The following SCN3A variants were observed in gnomAD, a reference collection of about 807,000 sequenced individuals.
SCN3A encodes sodium channel protein type 3 subunit alpha.
In SCN3A, 60 loss-of-function variants were observed where a neutral mutation model predicts 187.6. The observed-to-expected ratio is 0.32, with a 90% CI of 0.26 to 0.40. The LOEUF (loss-of-function observed/expected upper bound fraction) is 0.40, where lower values mean the gene tolerates loss of function less well. SCN3A is among the 10% of genes least tolerant of loss of function. The pLI, the probability that SCN3A is intolerant of heterozygous loss-of-function variation, is 1.00. For synonymous variants in SCN3A, 788 were observed against 829.2 expected, an observed-to-expected ratio of 0.95 and a Z score of 0.85; for missense variants, 1,601 against 2,428.2, an observed-to-expected ratio of 0.66 and a Z score of 7.16.
chr2:165,139,392 A>C, intron 14 of SCN3A, 84 bp downstream of exon 14: 1 of 1,584,172 alleles, frequency 6.3e-7, no homozygotes, highest in South Asian at 1.1e-5. Context: ...TGGGTAACAG[A>C]CTTCAGTAAT....
Position 165,090,955 on chromosome 2 carries a change from G to A in SCN3A, c.5198C>T (p.Pro1733Leu). The A allele has an allele frequency of 6.2e-7, 1 of 1,614,114 alleles. No individual in the cohort carries two copies. The highest frequency in any genetic ancestry group is 8.5e-7 in the Non-Finnish European group (1 of 1,180,006). The change falls in exon 28 of 28, where the codon CCT becomes CTT. Residue 1733 changes from proline to leucine, a missense_variant. Pro to Leu is a moderately conservative substitution (Grantham distance 98, BLOSUM62 -3). Transcript: ENST00000283254. The surrounding 1 kb of genome is among the most constrained non-coding windows in gnomAD (Gnocchi z 4.0). ...ACAGTCTCCCTTAACTGAGCTGCCA[G>A]GGTGAATTGTGTCAGGGTCACAGTC... ...PPDCDPDTIH[P>L]GSSVKGDCGN...
At chr2:165,101,681 C>A (rs1167571987) in intron 21 of SCN3A, among the ~76,000 whole-genome samples, 1 of 152,082 alleles carries the variant, frequency 6.6e-6, no homozygotes, top group Non-Finnish European at 1.5e-5. Context: ...TCATTATATC[C>A]ACAATGGCTT....
intron 17 of SCN3A, among the ~76,000 whole-genome samples, chr2:165,129,704 T>G (rs1687199051): frequency 6.6e-6 from 1 of 152,188 alleles, no homozygotes; most frequent in Non-Finnish European, 1.5e-5. Context: ...TAAATACATC[T>G]GATTTAATCT....
intron 1 of SCN3A, among the ~76,000 whole-genome samples, chr2:165,199,991 A>AT (rs1692213525): frequency 6.6e-6 from 1 of 152,068 alleles, no homozygotes; most frequent in Admixed American, 6.6e-5. Context: ...CAAGAATATG[A>AT]TTTTCTTTCT....
At chr2:165,122,214 TC>T (rs1225729568) in intron 18 of SCN3A, among the ~76,000 whole-genome samples, 2 of 148,200 alleles carry the variant, frequency 1.3e-5, no homozygotes, top group Non-Finnish European at 3.0e-5. Flanking sequence ...CTTTTTTTTT[TC>T]TTTTTTCTTT....
intron 20 of SCN3A, 91 bp downstream of exon 20, chr2:165,113,725 T>G: frequency 7.1e-7 from 1 of 1,400,620 alleles, no homozygotes; most frequent in Non-Finnish European, 1.0e-6. Flanking sequence ...CCTTTTCTTT[T>G]GATTCTGAAG....
Position 165,089,507 on chromosome 2 carries a change from C to G in SCN3A, c.*643G>C, listed in dbSNP as rs1263774628. 1 of 152,642 alleles carries G rather than the reference C, an allele frequency of 6.6e-6. No homozygotes were observed. The highest frequency in any genetic ancestry group is 1.5e-5 in the Non-Finnish European group (1 of 68,102). 9.5% of individuals were successfully genotyped at this position (152,642 alleles called of 1,614,324 possible). ...AATATTAGAGGAGACTTTACAGGCACATAACTGTTCAGATAGAAACAAACA... is the reference window on the plus strand; with the variant it reads ...AATATTAGAGGAGACTTTACAGGCAGATAACTGTTCAGATAGAAACAAACA... On this transcript the variant is annotated 3_prime_UTR_variant, in exon 28 of 28. Coordinates refer to ENST00000283254, the MANE Select transcript of SCN3A (RefSeq NM_006922.4).
intron 5 of SCN3A, among the ~76,000 whole-genome samples, chr2:165,166,299 G>A (rs898045997): frequency 6.6e-6 from 1 of 152,096 alleles, no homozygotes; most frequent in Non-Finnish European, 1.5e-5. Flanking sequence ...ACACAGAATA[G>A]GTATTCAAAA....
intron 14 of SCN3A, among the ~76,000 whole-genome samples, chr2:165,138,824 TA>T (rs1687821316): frequency 6.6e-6 from 1 of 152,184 alleles, no homozygotes; most frequent in African/African-American, 2.4e-5. Flanking sequence ...AATTGACATA[TA>T]ATTGATCTAA....
rs1158363313 is a variant in SCN3A at position 165,088,661 on chromosome 2, T to A, written c.*1489A>T. On this transcript the variant is annotated 3_prime_UTR_variant, in exon 28 of 28. Coordinates refer to ENST00000283254, the MANE Select transcript of SCN3A (RefSeq NM_006922.4). ...TGGATTCAAAAGTTTGGAATTGTGA[T>A]TAAAAATCAAAAGCAAAAGCATAAA... 2 of 152,560 alleles carry A rather than the reference T, an allele frequency of 1.3e-5. No homozygotes were observed. Among genetic ancestry groups the A allele is most frequent in the Non-Finnish European group, 2.9e-5 (2 of 67,970 alleles). The allele number at this position is 152,560 out of a possible 1,614,324, so 9.5% of individuals were successfully genotyped here. A position where few individuals can be genotyped will look rare whatever the true frequency, so the allele number is the denominator to read the frequency against.
chr2:165,161,685 A>G (rs1689406499), intron 9 of SCN3A, among the ~76,000 whole-genome samples: 2 of 152,186 alleles, frequency 1.3e-5, no homozygotes, highest in African/African-American at 4.8e-5. Context: ...TCTTAGGAAA[A>G]TATTTAAGGG....
Position 165,146,923 on chromosome 2 carries a change from G to C in SCN3A, c.1487C>G (p.Ala496Gly), listed in dbSNP as rs2105834265. 2 of 1,613,948 alleles carry C rather than the reference G, an allele frequency of 1.2e-6. No individual in the cohort carries two copies. Among genetic ancestry groups the C allele is most frequent in the Non-Finnish European group, 1.7e-6 (2 of 1,179,940 alleles). The change falls in exon 12 of 28, where the codon GCT becomes GGT. Residue 496 changes from alanine (A) to glycine (G), a missense_variant. This residue lies in a region of SCN3A where 376 missense variants were observed against 476.0 expected (regional missense o/e 0.79). Coordinates refer to ENST00000283254, the MANE Select transcript of SCN3A (RefSeq NM_006922.4). ...SEASKLSSKS[A>G]KEWRNRRKKR... Reference sequence around the variant, plus strand: ...CTTCCTTCGGTTCCTCCATTCTTTAGCACTTTTGGAACTCAACTTTGATGC... The same window carrying C: ...CTTCCTTCGGTTCCTCCATTCTTTACCACTTTTGGAACTCAACTTTGATGC...
chr2:165,146,974 C>T lies in SCN3A; in HGVS notation c.1436G>A (p.Gly479Glu). The T allele has an allele frequency of 6.2e-7, 1 of 1,614,078 alleles. No individual in the cohort carries two copies. Among genetic ancestry groups the T allele is most frequent in the South Asian group, 1.1e-5 (1 of 91,088 alleles). ...TTCTGAAGAACTTTCCAACAGCTCT[C>T]CTAACCCACCTATTCCACTGAAATC... ...SRDFSGIGGLGELLESSSEAS... is the reference protein window; with the variant it reads ...SRDFSGIGGLEELLESSSEAS... Residue 479 changes from glycine (G) to glutamate (E), a missense_variant, in exon 12 of 28, where the codon GGA becomes GAA. Coordinates refer to ENST00000283254, the MANE Select transcript of SCN3A (RefSeq NM_006922.4).
intron 19 of SCN3A, among the ~76,000 whole-genome samples, chr2:165,115,229 T>C (rs1054075357): frequency 6.9e-6 from 1 of 144,052 alleles, no homozygotes; most frequent in African/African-American, 2.5e-5. Flanking sequence ...TTATTTTTTC[T>C]TTCTTTATTT....
chr2:165,112,445 T>C (rs1436762097), intron 21 of SCN3A, among the ~76,000 whole-genome samples: 1 of 152,228 alleles, frequency 6.6e-6, no homozygotes, highest in Non-Finnish European at 1.5e-5. Flanking sequence ...TCACAGTATT[T>C]AGTCACACGT....
In SCN3A at chr2:165,099,523, C is replaced by G. The variant is rs147058768; in HGVS notation, c.3966+779G>C. Among the ~76,000 whole-genome samples the G allele has an allele frequency of 2.2e-3, 329 of 152,154 alleles. 10 individuals are homozygous for G. In the East Asian group the frequency reaches 0.054, roughly 25 times the overall value. On this transcript the variant is annotated intron_variant, in intron 22 of 27. Coordinates refer to ENST00000283254, the MANE Select transcript of SCN3A (RefSeq NM_006922.4). ...CATGAGGTCAGGGGATCGAGACCAT[C>G]CTGGCTAACACAGTGAAACCCCGTC...
At position 165,176,364 on chromosome 2, in the gene SCN3A, G is replaced by A; in HGVS notation, c.31C>T (p.Pro11Ser). 1 of 1,614,054 alleles carries A rather than the reference G, an allele frequency of 6.2e-7. No homozygotes were observed. Among genetic ancestry groups the A allele is most frequent in the Non-Finnish European group, 8.5e-7 (1 of 1,179,978 alleles). Reference protein sequence around the residue: MAQALLVPPGPESFRLFTRES... With the variant: MAQALLVPPGSESFRLFTRES... ...CTAGTAAAAAGGCGGAAGCTTTCAG[G>A]TCCTGGGGGTACCAACAGTGCCTGT... Residue 11 changes from proline to serine, a missense_variant, in exon 3 of 28, where the codon CCT becomes TCT. By Grantham distance (74) the Pro-to-Ser change is moderately conservative. Around this residue, in one of 11 missense-constraint regions of SCN3A, gnomAD observed 74 missense variants for 77.7 expected, o/e 0.95. Transcript: ENST00000283254.
At chr2:165,101,206 T>C (rs1347598861) in intron 21 of SCN3A, among the ~76,000 whole-genome samples, 1 of 152,212 alleles carries the variant, frequency 6.6e-6, no homozygotes, top group Non-Finnish European at 1.5e-5. Flanking sequence ...TCAACTGACA[T>C]AGAACGAATA....
intron 23 of SCN3A, 101 bp from the exon 24 acceptor site, chr2:165,096,621 A>T: frequency 1.3e-6 from 1 of 759,124 alleles, no homozygotes; most frequent in Non-Finnish European, 2.2e-6. Context: ...AACTTTTTGT[A>T]CAATATTGTG....
Sources: allele counts gnomAD v4.1 joint callset (sites outside exome capture counted in the v4.1 genomes callset), GRCh38; gene constraint gnomAD v4.1.1; regional missense constraint gnomAD v4.1.1; non-coding constraint Gnocchi (gnomAD v3.1); transcripts MANE v1.5; gene names NCBI Gene and HGNC (gene_info 2026-07-23, HGNC 2026-07-21).